ENPP6: variants seen among roughly 807,000 people sequenced by gnomAD.
The protein encoded by ENPP6 is ectonucleotide pyrophosphatase/phosphodiesterase 6.
ENPP6 carries 32 observed loss-of-function variants against 42.0 expected under a neutral mutation model. That is an observed-to-expected ratio of 0.76 (90% CI 0.58 to 1.02). ENPP6 has a LOEUF of 1.02. Ranked by LOEUF, ENPP6 falls within the 50% of genes least tolerant of loss-of-function variation. The pLI is 0.00. For synonymous variants in ENPP6, 213 were observed against 216.0 expected (o/e 0.99, Z 0.12); for missense variants, 552 against 566.8 (o/e 0.97, Z 0.27).
chr4:184,124,364 A>G (rs1579621501), intron 2 of ENPP6, 92 bp from the exon 3 acceptor site: 1 of 871,866 alleles, frequency 1.1e-6, no homozygotes, highest in African/African-American at 1.7e-5. Flanking sequence ...CATTAGTCAA[A>G]ATCAAAAATA....
At chr4:184,209,232 T>C (rs369191904) in intron 1 of ENPP6, among the ~76,000 whole-genome samples, 14,765 of 151,130 alleles carry the variant, frequency 0.098, 1,013 homozygotes, top group Admixed American at 0.15. Flanking sequence ...CAAAGCTGGA[T>C]GGAGAATGAC....
intron 2 of ENPP6, among the ~76,000 whole-genome samples, chr4:184,136,717 T>C (rs1736735303): frequency 6.6e-6 from 1 of 152,256 alleles, no homozygotes; most frequent in African/African-American, 2.4e-5. Context: ...CTGTCAGTCT[T>C]ATTATTGCCC....
At chr4:184,216,976 A>C (rs1579673077) in intron 1 of ENPP6, 1 of 152,324 alleles carries the variant, frequency 6.6e-6, no homozygotes, top group South Asian at 2.1e-4. Context: ...TGAACGACAC[A>C]AGCTTTTTCT....
At chr4:184,096,222 G>A (rs1401174947) in intron 7 of ENPP6, among the ~76,000 whole-genome samples, 1 of 152,204 alleles carries the variant, frequency 6.6e-6, no homozygotes, top group African/African-American at 2.4e-5. Context: ...ATGGTAGGCT[G>A]AATGAGGGAT....
chr4:184,137,699 G>C (rs1736752523), intron 2 of ENPP6, among the ~76,000 whole-genome samples: 1 of 152,146 alleles, frequency 6.6e-6, no homozygotes, highest in Non-Finnish European at 1.5e-5. Flanking sequence ...TATTCTTACT[G>C]CTAGGGTGTT....
chr4:184,174,740 AT>A (rs1392088356), intron 1 of ENPP6, among the ~76,000 whole-genome samples: 1 of 152,260 alleles, frequency 6.6e-6, no homozygotes, highest in Non-Finnish European at 1.5e-5. Flanking sequence ...CTTGAGTTTG[AT>A]GGCCCATGTT....
chr4:184,099,583 T>G (rs1001013317), intron 6 of ENPP6, among the ~76,000 whole-genome samples: 1 of 152,240 alleles, frequency 6.6e-6, no homozygotes, highest in Non-Finnish European at 1.5e-5. Flanking sequence ...GGGCTGAGCC[T>G]GCTTGTGCTT....
chr4:184,091,793 G>T (rs753429375), intron 7 of ENPP6, among the ~76,000 whole-genome samples: 14 of 152,168 alleles, frequency 9.2e-5, no homozygotes, highest in Non-Finnish European at 1.9e-4. Context: ...CTACTCGGAA[G>T]GCTGAGGTAA....
At chr4:184,122,988 C>T (rs1736444136) in intron 3 of ENPP6, among the ~76,000 whole-genome samples, 2 of 152,188 alleles carry the variant, frequency 1.3e-5, no homozygotes, top group Admixed American at 1.3e-4. Context: ...CTCCAGCACT[C>T]ACGGGCAATT....
intron 2 of ENPP6, among the ~76,000 whole-genome samples, chr4:184,125,218 A>C (rs1050048966): frequency 6.6e-6 from 1 of 152,124 alleles, no homozygotes; most frequent in African/African-American, 2.4e-5. Flanking sequence ...TTCAGGCATC[A>C]CTTCCTCCTG....
chr4:184,168,059 TGGCA>T (rs1431078152), intron 1 of ENPP6, among the ~76,000 whole-genome samples: 3 of 152,130 alleles, frequency 2.0e-5, no homozygotes, highest in African/African-American at 7.2e-5. Flanking sequence ...GGATGAGAAC[TGGCA>T]GGAACTGAGG....
At chr4:184,150,501 C>T (rs971176236) in intron 2 of ENPP6, among the ~76,000 whole-genome samples, 15 of 152,132 alleles carry the variant, frequency 9.9e-5, no homozygotes, top group South Asian at 6.2e-4. Context: ...AATGCCCCTG[C>T]GCCTCACTTA....
intron 5 of ENPP6, 62 bp from the exon 6 acceptor site, chr4:184,112,871 G>C: frequency 6.8e-7 from 1 of 1,469,066 alleles, no homozygotes; most frequent in Non-Finnish European, 9.2e-7. Flanking sequence ...AATATTTACT[G>C]GAGCTAGGGG....
chr4:184,183,120 G>C (rs762070326), intron 1 of ENPP6, among the ~76,000 whole-genome samples: 1 of 152,210 alleles, frequency 6.6e-6, no homozygotes. Flanking sequence ...GAAGAAAGGT[G>C]CTATGGAAAC....
chr4:184,198,285 T>C (rs4862332), intron 1 of ENPP6, among the ~76,000 whole-genome samples: 121,801 of 151,918 alleles, frequency 0.8, 49,571 homozygotes, highest in East Asian at 0.98. Flanking sequence ...CTTCTCTGAG[T>C]AAGCACTGGT....
intron 7 of ENPP6, among the ~76,000 whole-genome samples, chr4:184,093,718 C>G (rs1735848576): frequency 6.6e-6 from 1 of 151,284 alleles, no homozygotes; most frequent in African/African-American, 2.4e-5. Context: ...AAAGAAAGGG[C>G]TGCCCCAGTA....
chr4:184,197,454 C>T (rs1047226862), intron 1 of ENPP6, among the ~76,000 whole-genome samples: 7 of 152,174 alleles, frequency 4.6e-5, no homozygotes, highest in African/African-American at 1.2e-4. Flanking sequence ...GGGTACATGG[C>T]GAGAGGGGCT....
At chr4:184,118,643 C>CT (rs1179810168) in intron 3 of ENPP6, among the ~76,000 whole-genome samples, 1 of 152,214 alleles carries the variant, frequency 6.6e-6, no homozygotes, top group African/African-American at 2.4e-5. Context: ...CATTAGGACC[C>CT]TATGTCTTCA....
intron 1 of ENPP6, among the ~76,000 whole-genome samples, chr4:184,194,900 GGGACTGCCTATGACCTAA>G (rs1732770820): frequency 6.6e-6 from 1 of 152,136 alleles, no homozygotes; most frequent in Admixed American, 6.5e-5. Context: ...CCAACTCCGT[GGGACTGCCTATGACCTAA>G]GGACCTTTCC....
Sources: gnomAD v4.1 joint callset for allele counts (sites outside exome capture counted in the v4.1 genomes callset) on GRCh38, gnomAD v4.1.1 for gene constraint, MANE v1.5 for transcripts, NCBI Gene and HGNC (gene_info 2026-07-23, HGNC 2026-07-21) for gene names.